The following PDE4D variants were observed in gnomAD, a reference collection of about 807,000 sequenced individuals.
PDE4D encodes the protein phosphodiesterase 4D.
A neutral mutation model predicts 87.4 loss-of-function variants in PDE4D; 24 were observed. The ratio of observed to expected loss-of-function variants is 0.27; its 90% CI spans 0.20 to 0.39. PDE4D has a LOEUF of 0.39. Among genes scored for constraint, PDE4D ranks in the 10% least tolerant of loss-of-function variants. The probability of loss-of-function intolerance (pLI) is 1.00; values close to 1 mark genes in which losing one functional copy is unlikely to be tolerated. For missense variants in PDE4D, 714 were observed against 1,041.0 expected, an observed-to-expected ratio of 0.69 and a Z score of 4.32; for synonymous variants, 384 against 383.2, an observed-to-expected ratio of 1.00 and a Z score of -0.02.
intron 1 of PDE4D, among the ~76,000 whole-genome samples, chr5:60,213,752 C>G (rs1225443841): frequency 6.6e-6 from 1 of 152,120 alleles, no homozygotes; most frequent in African/African-American, 2.4e-5. Flanking sequence ...TTCCTTTATG[C>G]CTCTGTCATT....
chr5:59,337,323 T>TCCC (rs765153967), intron 1 of PDE4D, among the ~76,000 whole-genome samples: 49 of 122,450 alleles, frequency 4.0e-4, no homozygotes, highest in South Asian at 1.8e-3. Flanking sequence ...ATTCATAAGT[T>TCCC]CCCCCCCCCC....
intron 3 of PDE4D, among the ~76,000 whole-genome samples, chr5:59,944,547 A>G (rs1757533609): frequency 6.6e-6 from 1 of 151,864 alleles, no homozygotes; most frequent in Admixed American, 6.6e-5. Flanking sequence ...AATTTTTTGT[A>G]TTTTTAGTAG....
chr5:59,420,201 T>A (rs999569371), intron 1 of PDE4D, among the ~76,000 whole-genome samples: 1 of 152,282 alleles, frequency 6.6e-6, no homozygotes, highest in South Asian at 2.1e-4. Context: ...TCTCAATAGC[T>A]TAGAAAGATT....
intron 1 of PDE4D, among the ~76,000 whole-genome samples, chr5:59,872,339 G>A (rs2152738464): frequency 6.6e-6 from 1 of 151,454 alleles, no homozygotes; most frequent in Non-Finnish European, 1.5e-5. Context: ...GTCTTTCCTT[G>A]CAGGAAATTA....
intron 1 of PDE4D, among the ~76,000 whole-genome samples, chr5:59,737,617 A>G (rs983976344): frequency 6.6e-6 from 1 of 152,152 alleles, no homozygotes; most frequent in Non-Finnish European, 1.5e-5. Context: ...ACAGTACAGT[A>G]AAACATATTG....
intron 1 of PDE4D, among the ~76,000 whole-genome samples, chr5:59,754,791 C>T (rs7708952): frequency 0.45 from 56,078 of 125,114 alleles, 13,807 homozygotes; most frequent in African/African-American, 0.53. Context: ...GAATTTTCCA[C>T]AGAACATTTT....
intron 5 of PDE4D, among the ~76,000 whole-genome samples, chr5:59,042,762 C>G (rs1042649335): frequency 2.6e-5 from 4 of 152,190 alleles, no homozygotes; most frequent in African/African-American, 9.6e-5. Context: ...TCTGCTGAGG[C>G]TCTTCTGTGA....
chr5:59,687,987 G>A (rs1750206245), intron 1 of PDE4D, among the ~76,000 whole-genome samples: 1 of 152,118 alleles, frequency 6.6e-6, no homozygotes, highest in Non-Finnish European at 1.5e-5. Context: ...ATTACGTAAT[G>A]GTAAAGGGAT....
At chr5:59,189,244 G>GTTTT (rs1392753870) in intron 3 of PDE4D, among the ~76,000 whole-genome samples, 26 of 91,370 alleles carry the variant, frequency 2.8e-4, no homozygotes, top group Admixed American at 7.7e-4. Context: ...TTTTTTTTTT[G>GTTTT]TTTTTTTTGT....
intron 1 of PDE4D, among the ~76,000 whole-genome samples, chr5:59,698,719 T>C (rs1009822118): frequency 1.3e-5 from 2 of 152,272 alleles, no homozygotes; most frequent in East Asian, 3.9e-4. Context: ...CATAATTACA[T>C]ATGCAGCTCT....
At chr5:59,230,035 C>T (rs1754810904) in intron 1 of PDE4D, among the ~76,000 whole-genome samples, 1 of 152,192 alleles carries the variant, frequency 6.6e-6, no homozygotes, top group Non-Finnish European at 1.5e-5. Flanking sequence ...GATCCGCCTG[C>T]CTCGGCCTCC....
chr5:59,210,495 G>A (rs1749836996), intron 2 of PDE4D, among the ~76,000 whole-genome samples: 1 of 152,190 alleles, frequency 6.6e-6, no homozygotes, highest in African/African-American at 2.4e-5. Flanking sequence ...TGACATGGGA[G>A]GTAGGGAGAG....
At chr5:59,985,124 G>GTT (rs762506771) in intron 3 of PDE4D, among the ~76,000 whole-genome samples, 2,022 of 110,990 alleles carry the variant, frequency 0.018, 241 homozygotes, top group African/African-American at 0.042. Flanking sequence ...TTCACCTTTC[G>GTT]TTTTTTGTTT....
chr5:59,845,497 T>A (rs1743705354), intron 1 of PDE4D, among the ~76,000 whole-genome samples: 1 of 152,064 alleles, frequency 6.6e-6, no homozygotes, highest in East Asian at 1.9e-4. Context: ...CTCAGAGAGG[T>A]GAAGTTCTAT....
chr5:59,215,537 G>T, intron 2 of PDE4D: 3 of 403,254 alleles, frequency 7.4e-6, no homozygotes, highest in South Asian at 4.1e-5. Flanking sequence ...TATTTTCTGG[G>T]AAAATAAATA....
intron 1 of PDE4D, among the ~76,000 whole-genome samples, chr5:59,428,435 AT>A (rs886735760): frequency 6.6e-6 from 1 of 151,756 alleles, no homozygotes; most frequent in Non-Finnish European, 1.5e-5. Flanking sequence ...CCTTCCTCAG[AT>A]TTTTTTAAGT....
At chr5:60,320,470 G>A (rs974229648) in intron 1 of PDE4D, among the ~76,000 whole-genome samples, 3 of 152,104 alleles carry the variant, frequency 2.0e-5, no homozygotes, top group Admixed American at 6.5e-5. Context: ...CTCACACTCG[G>A]TGCACTGCAC....
intron 2 of PDE4D, among the ~76,000 whole-genome samples, chr5:60,023,251 T>G (rs188407193): frequency 6.6e-6 from 1 of 152,216 alleles, no homozygotes; most frequent in African/African-American, 2.4e-5. Context: ...GCAGCTATTA[T>G]AGCATTCAGC....
intron 1 of PDE4D, among the ~76,000 whole-genome samples, chr5:60,499,619 T>A (rs1561317560): frequency 6.6e-6 from 1 of 152,220 alleles, no homozygotes; most frequent in South Asian, 2.1e-4. Context: ...AACTTGGTGC[T>A]TATTTTAGGA....
Sources: allele counts gnomAD v4.1 joint callset (sites outside exome capture counted in the v4.1 genomes callset), GRCh38; gene constraint gnomAD v4.1.1; transcripts MANE v1.5; gene names NCBI Gene and HGNC (gene_info 2026-07-23, HGNC 2026-07-21).